Variants in EYA1 observed in about 807,000 individuals in gnomAD.
EYA1 encodes the protein EYA transcriptional coactivator and phosphatase 1.
In EYA1, 16 loss-of-function variants were observed where a neutral mutation model predicts 82.0. The ratio of observed to expected loss-of-function variants is 0.20; its 90% CI spans 0.13 to 0.30. EYA1 has a LOEUF of 0.30. EYA1 is among the 10% of genes least tolerant of loss of function. The pLI is 1.00. For synonymous variants in EYA1, 261 were observed against 264.4 expected, an observed-to-expected ratio of 0.99 and a Z score of 0.12; for missense variants, 633 against 730.7, an observed-to-expected ratio of 0.87 and a Z score of 1.54.
chr8:71,339,250 C>T (rs894452084), intron 3 of EYA1, among the ~76,000 whole-genome samples: 3 of 152,160 alleles, frequency 2.0e-5, no homozygotes, highest in Non-Finnish European at 4.4e-5. Flanking sequence ...ACGTCTAGCT[C>T]CCATCCTAGG....
At chr8:71,360,086 A>G (rs1385990809) in intron 1 of EYA1, among the ~76,000 whole-genome samples, 1 of 151,986 alleles carries the variant, frequency 6.6e-6, no homozygotes, top group Non-Finnish European at 1.5e-5. Context: ...TGTTAACACT[A>G]TATTTCCTTC....
intron 11 of EYA1, among the ~76,000 whole-genome samples, chr8:71,249,728 C>T (rs1407257706): frequency 6.6e-6 from 1 of 152,132 alleles, no homozygotes; most frequent in Non-Finnish European, 1.5e-5. Flanking sequence ...CTTCAACCAC[C>T]ACCCACTCCC....
intron 2 of EYA1, among the ~76,000 whole-genome samples, chr8:71,397,680 C>T (rs572654771): frequency 6.6e-6 from 1 of 152,292 alleles, no homozygotes; most frequent in South Asian, 2.1e-4. Flanking sequence ...ATGGGCTTCC[C>T]TTTGTGAGTA....
intron 17 of EYA1, among the ~76,000 whole-genome samples, chr8:71,200,481 G>T (rs1806837611): frequency 1.3e-5 from 2 of 152,168 alleles, no homozygotes; most frequent in African/African-American, 4.8e-5. Flanking sequence ...ATTTGCCTCA[G>T]ATTATCTGTT....
chr8:71,492,495 C>T (rs1811080303), intron 2 of EYA1, among the ~76,000 whole-genome samples: 1 of 148,986 alleles, frequency 6.7e-6, no homozygotes, highest in Admixed American at 6.7e-5. Context: ...GACGGAGTCT[C>T]GCTCTGTTGC....
chr8:71,234,152 G>A (rs1196374752), intron 12 of EYA1, among the ~76,000 whole-genome samples: 1 of 152,162 alleles, frequency 6.6e-6, no homozygotes, highest in Non-Finnish European at 1.5e-5. Flanking sequence ...ATTTCATTCT[G>A]TCTTGCTATC....
At chr8:71,455,913 C>T (rs189584431) in intron 2 of EYA1, among the ~76,000 whole-genome samples, 158 of 152,260 alleles carry the variant, frequency 1.0e-3, no homozygotes, top group Non-Finnish European at 1.7e-3. Flanking sequence ...CCAGGGCAAT[C>T]AGGCAGGAGA....
intron 2 of EYA1, among the ~76,000 whole-genome samples, chr8:71,450,341 T>C (rs1807259008): frequency 6.6e-6 from 1 of 152,194 alleles, no homozygotes; most frequent in Non-Finnish European, 1.5e-5. Flanking sequence ...TTAGAGGCCA[T>C]TGTAGGGTTA....
intron 2 of EYA1, among the ~76,000 whole-genome samples, chr8:71,398,135 C>T (rs966446718): frequency 2.6e-5 from 4 of 152,056 alleles, no homozygotes; most frequent in Admixed American, 6.6e-5. Context: ...GGTTTTCAGC[C>T]CCATCAGGTC....
chr8:71,369,978 C>A lies in EYA1; in HGVS notation c.34-13467G>T, dbSNP rs556527818. On this transcript the variant is annotated intron_variant, in intron 2 of 18. Coordinates refer to the EYA1 transcript ENST00000643681. Reference sequence around the variant, plus strand: ...CTGTGCTAGGAATTTGCCATCCTGACAACAGGGAACAACCAAACTCCAAGG... The same window carrying A: ...CTGTGCTAGGAATTTGCCATCCTGAAAACAGGGAACAACCAAACTCCAAGG... Among the ~76,000 whole-genome samples, 110 of 151,840 alleles carry A rather than the reference C, an allele frequency of 7.2e-4. 1 individual carries two copies. The highest frequency in any genetic ancestry group is 1.3e-3 in the Non-Finnish European group (90 of 67,926).
At chr8:71,514,697 C>G (rs945925154) in intron 2 of EYA1, among the ~76,000 whole-genome samples, 1 of 152,024 alleles carries the variant, frequency 6.6e-6, no homozygotes, top group African/African-American at 2.4e-5. Context: ...AAAGATGGGC[C>G]CCCATGATTC....
chr8:71,406,810 A>G (rs554688822), intron 2 of EYA1, among the ~76,000 whole-genome samples: 1 of 146,394 alleles, frequency 6.8e-6, no homozygotes, highest in East Asian at 2.0e-4. Context: ...GGCGCCCGCC[A>G]TTGCCCAGGC....
chr8:71,410,097 C>A (rs1269816960), intron 2 of EYA1, among the ~76,000 whole-genome samples: 6 of 151,890 alleles, frequency 4.0e-5, no homozygotes, highest in Non-Finnish European at 8.8e-5. Context: ...TAAATGTAAT[C>A]CAGCATATAA....
At chr8:71,212,480 CAA>C (rs1808637500) in intron 16 of EYA1, among the ~76,000 whole-genome samples, 1 of 152,120 alleles carries the variant, frequency 6.6e-6, no homozygotes, top group African/African-American at 2.4e-5. Flanking sequence ...TGCGTTTTTG[CAA>C]AGTTTCCCTC....
Position 71,317,534 on chromosome 8 carries a change from C to A in EYA1, c.556+18G>T, listed in dbSNP as rs113694988. The A allele has an allele frequency of 5.1e-3, 8,175 of 1,613,668 alleles. 357 individuals carry two copies. In the African/African-American group the frequency reaches 0.095, roughly 19 times the overall value. On this transcript the variant is annotated intron_variant, in intron 7 of 17. Coordinates refer to ENST00000340726, the MANE Select transcript of EYA1 (RefSeq NM_000503.6). ...CAACCTACAGGGTTAAGGAAAATAG[C>A]AATGTGTATATACAGACCTTGCATC...
chr8:71,307,652 A>C (rs1820872309), intron 7 of EYA1, among the ~76,000 whole-genome samples: 1 of 152,188 alleles, frequency 6.6e-6, no homozygotes, highest in African/African-American at 2.4e-5. Context: ...AAATCAAATA[A>C]AATTTTAAGT....
At chr8:71,322,080 C>G (rs1199149741) in intron 5 of EYA1, 119 bp downstream of exon 5, 1 of 1,114,928 alleles carries the variant, frequency 9.0e-7, no homozygotes, top group Admixed American at 1.9e-5. Flanking sequence ...ATGTTTACAT[C>G]TCTATGAAAT....
chr8:71,475,633 C>G (rs906421068), intron 2 of EYA1, among the ~76,000 whole-genome samples: 26 of 152,102 alleles, frequency 1.7e-4, no homozygotes, highest in Non-Finnish European at 2.9e-4. Context: ...ATGACTGAAA[C>G]ACACGATAGA....
At chr8:71,250,132 C>T (rs1813573944) in intron 11 of EYA1, among the ~76,000 whole-genome samples, 1 of 151,950 alleles carries the variant, frequency 6.6e-6, no homozygotes, top group African/African-American at 2.4e-5. Flanking sequence ...TATCTTCATT[C>T]CAGCCTCTCA....
Sources: allele counts gnomAD v4.1 joint callset (sites outside exome capture counted in the v4.1 genomes callset), GRCh38; gene constraint gnomAD v4.1.1; transcripts MANE v1.5; gene names NCBI Gene and HGNC (gene_info 2026-07-23, HGNC 2026-07-21).